SHC3: variants seen among roughly 807,000 people sequenced by gnomAD.
The protein encoded by SHC3 is SHC adaptor protein 3, also known as SHC-transforming protein 3.
SHC3 carries 15 observed loss-of-function variants against 60.4 expected under a neutral mutation model. The ratio of observed to expected loss-of-function variants is 0.25; its 90% CI spans 0.17 to 0.38. The LOEUF is 0.38. Ranked by LOEUF, SHC3 falls within the 10% of genes least tolerant of loss-of-function variation. The probability of loss-of-function intolerance (pLI) is 1.00; values close to 1 mark genes in which losing one functional copy is unlikely to be tolerated. For synonymous variants in SHC3, 294 were observed against 325.9 expected (o/e 0.90, Z 1.05); for missense variants, 677 against 786.1 (o/e 0.86, Z 1.66).
At chr9:89,084,176 T>C (rs1418280328) in intron 2 of SHC3, among the ~76,000 whole-genome samples, 1 of 152,188 alleles carries the variant, frequency 6.6e-6, no homozygotes, top group Non-Finnish European at 1.5e-5. Context: ...TGCACACCCC[T>C]GGAGAAATTG....
chr9:89,063,225 G>T (rs1432740383), intron 6 of SHC3, among the ~76,000 whole-genome samples: 1 of 152,152 alleles, frequency 6.6e-6, no homozygotes, highest in African/African-American at 2.4e-5. Flanking sequence ...TGTGTCCCAG[G>T]TTCAAGCGAT....
intron 1 of SHC3, among the ~76,000 whole-genome samples, chr9:89,126,035 A>G (rs75539962): frequency 0.014 from 2,091 of 152,228 alleles, 20 homozygotes; most frequent in Middle Eastern, 0.038. Context: ...CTCTCTTGGG[A>G]TCTGGATCAG....
rs17852381 is a variant in SHC3 at position 89,013,571 on chromosome 9, C to T, written c.1661G>A (p.Arg554Gln). Residue 554 changes from arginine (R) to glutamine (Q), a missense_variant, in exon 12 of 12, where the codon CGG becomes CAG. Transcript: ENST00000375835. The stretch of plus-strand genomic sequence containing the variant: ...ACTGTCAAAGACTCTGTCCTTTGTC[C>T]GGATCTATGAATGAAGCAAAGGAAA... The part of the protein sequence containing the change: ...LLLVDPEGTI[R>Q]TKDRVFDSIS... The T allele has an allele frequency of 9.3e-6, 15 of 1,610,380 alleles. No homozygotes were observed. Among genetic ancestry groups the T allele is most frequent in the South Asian group, 2.2e-5 (2 of 90,732 alleles).
intron 7 of SHC3, among the ~76,000 whole-genome samples, chr9:89,051,470 T>G (rs11137495): frequency 0.059 from 8,938 of 151,890 alleles, 346 homozygotes; most frequent in Middle Eastern, 0.089. Context: ...AAACCTAAGG[T>G]GCCATTCTTA....
chr9:89,138,754 G>A (rs1232361501), intron 1 of SHC3, among the ~76,000 whole-genome samples: 1 of 152,166 alleles, frequency 6.6e-6, no homozygotes. Flanking sequence ...CCTAAGGGTT[G>A]CGGAGGGATA....
At chr9:89,066,193 G>T (rs1655158766) in intron 5 of SHC3, among the ~76,000 whole-genome samples, 1 of 152,122 alleles carries the variant, frequency 6.6e-6, no homozygotes, top group Admixed American at 6.5e-5. Context: ...TTTGGTAGTA[G>T]TTCTGGGGTA....
At chr9:89,127,105 A>T (rs946958728) in intron 1 of SHC3, among the ~76,000 whole-genome samples, 2 of 152,186 alleles carry the variant, frequency 1.3e-5, no homozygotes, top group Non-Finnish European at 2.9e-5. Context: ...ACTGTAGCTC[A>T]GTAGCTAAAG....
intron 1 of SHC3, among the ~76,000 whole-genome samples, chr9:89,173,425 A>G (rs1826897773): frequency 1.3e-5 from 2 of 152,224 alleles, no homozygotes; most frequent in South Asian, 4.1e-4. Flanking sequence ...TATGACATAT[A>G]CTCAAAGGTA....
At chr9:89,053,056 T>C (rs1824886688) in intron 6 of SHC3, among the ~76,000 whole-genome samples, 1 of 152,132 alleles carries the variant, frequency 6.6e-6, no homozygotes, top group South Asian at 2.1e-4. Context: ...ATACCTCTAC[T>C]CTCCAGACCC....
At chr9:89,161,829 A>G (rs1476720923) in intron 1 of SHC3, among the ~76,000 whole-genome samples, 1 of 138,928 alleles carries the variant, frequency 7.2e-6, no homozygotes, top group Non-Finnish European at 1.5e-5. Flanking sequence ...ACATGATTGT[A>G]TATCTAGAAA....
At chr9:89,161,079 G>A (rs891248285) in intron 1 of SHC3, among the ~76,000 whole-genome samples, 3 of 152,138 alleles carry the variant, frequency 2.0e-5, no homozygotes, top group Non-Finnish European at 2.9e-5. Flanking sequence ...CCTGCTCTAG[G>A]GAAGCTTTGG....
At chr9:89,048,678 T>A (rs1564099795) in intron 7 of SHC3, among the ~76,000 whole-genome samples, 1 of 152,192 alleles carries the variant, frequency 6.6e-6, no homozygotes, top group Non-Finnish European at 1.5e-5. Context: ...ATTTTAAAAA[T>A]AATAATAAAT....
In SHC3 at chr9:89,108,430, A is replaced by G. The variant is rs535973599; in HGVS notation, c.545+4126T>C. ...CAGCTACTCAGGAGGCTGAGGTGGG[A>G]GGATCACTTGAGCCTGGGAGGCAGA... On this transcript the variant is annotated intron_variant, in intron 2 of 11. Coordinates refer to ENST00000375835, the MANE Select transcript of SHC3 (RefSeq NM_016848.6). Among the ~76,000 whole-genome samples, 32 of 151,914 alleles carry G rather than the reference A, an allele frequency of 2.1e-4. 1 individual carries two copies. The South Asian group carries it at 4.4e-3, about 21-fold the overall frequency.
intron 1 of SHC3, among the ~76,000 whole-genome samples, chr9:89,160,515 G>A (rs576409980): frequency 2.0e-4 from 30 of 152,204 alleles, no homozygotes; most frequent in African/African-American, 6.7e-4. Flanking sequence ...AGAACAAGAC[G>A]TGTAATTGAG....
chr9:89,075,908 C>A (rs751160568), intron 3 of SHC3, among the ~76,000 whole-genome samples: 2 of 152,116 alleles, frequency 1.3e-5, no homozygotes, highest in East Asian at 1.9e-4. Context: ...GGGCCAGGGA[C>A]CTTCTTCCTA....
chr9:89,178,092 G>A lies in SHC3; in HGVS notation c.369C>T (p.Ala123=), dbSNP rs1241814391. ...CGTCGCCGGGCCGGCCCTTCCTGGC[G>A]GCGCTCATGGCCGGGGCGCGGGGCG... ...PSAPRAPAMS[A]ARKGRPGDEP... Residue 123 remains alanine (A), a synonymous_variant, in exon 1 of 12, where the codon GCC becomes GCT. Transcript: ENST00000375835. The surrounding 1 kb of genome is among the most constrained non-coding windows in gnomAD (Gnocchi z 6.9). 3.4e-6 allele frequency: 4 copies of A among 1,178,740 alleles called. No individual in the cohort carries two copies. In the Admixed American group the frequency reaches 1.8e-4, roughly 54 times the overall value. 73.0% of individuals were successfully genotyped at this position (1,178,740 alleles called of 1,614,324 possible).
In SHC3 at chr9:89,074,326, G is replaced by A. The variant is rs141047682; in HGVS notation, c.729+783C>T. Among the ~76,000 whole-genome samples, 9 of 152,238 alleles carry A rather than the reference G, an allele frequency of 5.9e-5. No homozygotes were observed. In the East Asian group the frequency reaches 1.7e-3, roughly 29 times the overall value. On this transcript the variant is annotated intron_variant, in intron 4 of 11. Transcript: ENST00000375835. ...TCCGATAGCCAGCCCCAGAAGCTGA[G>A]CCGGGGCACAGCAAGGGAGGAGAGT...
chr9:89,162,297 C>A (rs1401561353), intron 1 of SHC3, among the ~76,000 whole-genome samples: 1 of 151,710 alleles, frequency 6.6e-6, no homozygotes, highest in Non-Finnish European at 1.5e-5. Flanking sequence ...CAATCCTCAG[C>A]CAAAAGAACA....
At chr9:89,156,607 A>G (rs909716264) in intron 1 of SHC3, among the ~76,000 whole-genome samples, 2 of 152,216 alleles carry the variant, frequency 1.3e-5, no homozygotes, top group Non-Finnish European at 2.9e-5. Flanking sequence ...TAAAGTCACA[A>G]GATGTTTGGT....
Sources: gnomAD v4.1 joint callset for allele counts (sites outside exome capture counted in the v4.1 genomes callset) on GRCh38, gnomAD v4.1.1 for gene constraint, Gnocchi (gnomAD v3.1) non-coding constraint, MANE v1.5 for transcripts, NCBI Gene and HGNC (gene_info 2026-07-23, HGNC 2026-07-21) for gene names.